The following SFXN5 variants were observed in gnomAD, a reference collection of about 807,000 sequenced individuals.
The protein encoded by SFXN5 is sideroflexin 5, also known as sideroflexin-5.
In SFXN5, 43 loss-of-function variants were observed where a neutral mutation model predicts 50.2. That is an observed-to-expected ratio of 0.86 (90% CI 0.67 to 1.11). SFXN5 has a LOEUF of 1.11. Ranked by LOEUF, SFXN5 falls within the 50% of genes least tolerant of loss-of-function variation. The pLI is 0.00. For missense variants in SFXN5, 463 were observed against 454.1 expected (o/e 1.02, Z -0.18); for synonymous variants, 203 against 185.8 (o/e 1.09, Z -0.75).
intron 1 of SFXN5, chr2:73,070,439 A>G (rs1029408241): frequency 6.6e-6 from 1 of 152,216 alleles, no homozygotes; most frequent in African/African-American, 2.4e-5. Flanking sequence ...AAAAAAAGAA[A>G]AAAAAAGCCA....
At position 73,020,272 on chromosome 2, in the gene SFXN5, CG is replaced by C. The variant is rs1433226573; in HGVS notation, c.332-9del. 6.2e-7 allele frequency: 1 copy of C among 1,613,804 alleles called. No homozygotes were observed. Among genetic ancestry groups the C allele is most frequent in the Non-Finnish European group, 8.5e-7 (1 of 1,179,906 alleles). ...TCCCAAAAGGAATATAACCTGTGAA[CG>C]AGAAGAAAAGAGTCAGGCCTTATAA... On this transcript the variant is annotated splice_polypyrimidine_tract_variant and intron_variant, in intron 5 of 13. Coordinates refer to ENST00000272433, the MANE Select transcript of SFXN5 (RefSeq NM_144579.3).
At chr2:73,037,208 G>T (rs1025523023) in intron 3 of SFXN5, among the ~76,000 whole-genome samples, 1 of 152,282 alleles carries the variant, frequency 6.6e-6, no homozygotes, top group Admixed American at 6.5e-5. Flanking sequence ...TCATATCTCA[G>T]GGGAGAAATC....
chr2:73,047,647 C>T (rs917757420), intron 2 of SFXN5, among the ~76,000 whole-genome samples: 6 of 151,916 alleles, frequency 3.9e-5, no homozygotes, highest in Non-Finnish European at 7.4e-5. Context: ...TCTTGCCTGC[C>T]GCCATGTAAG....
At chr2:73,012,236 G>C (rs181065746) in intron 6 of SFXN5, among the ~76,000 whole-genome samples, 1 of 152,114 alleles carries the variant, frequency 6.6e-6, no homozygotes, top group Non-Finnish European at 1.5e-5. Flanking sequence ...AGAGATTCGG[G>C]GTTGAGGAGC....
At chr2:73,020,580 T>C (rs1274014812) in intron 5 of SFXN5, among the ~76,000 whole-genome samples, 1 of 152,194 alleles carries the variant, frequency 6.6e-6, no homozygotes, top group Non-Finnish European at 1.5e-5. Context: ...GTGATCCTCC[T>C]ACGATTTCCT....
At chr2:72,987,720 A>C (rs185960410) in intron 10 of SFXN5, among the ~76,000 whole-genome samples, 1 of 152,090 alleles carries the variant, frequency 6.6e-6, no homozygotes, top group Non-Finnish European at 1.5e-5. Flanking sequence ...GCACCACCAT[A>C]CTCCAGCCTG....
chr2:72,949,316 C>T (rs1222435190), intron 13 of SFXN5, among the ~76,000 whole-genome samples: 3 of 151,998 alleles, frequency 2.0e-5, no homozygotes, highest in African/African-American at 7.3e-5. Context: ...GGACCATAAC[C>T]CAGCCTCTGT....
At chr2:73,058,446 C>T (rs1682413355) in intron 2 of SFXN5, 82 bp downstream of exon 2, 3 of 1,354,876 alleles carry the variant, frequency 2.2e-6, no homozygotes, top group Non-Finnish European at 2.1e-6. Flanking sequence ...CCCCCATCCT[C>T]ACCCTCCCTT....
At chr2:72,980,801 C>A (rs1395137097) in intron 10 of SFXN5, among the ~76,000 whole-genome samples, 4 of 152,128 alleles carry the variant, frequency 2.6e-5, no homozygotes, top group Non-Finnish European at 5.9e-5. Flanking sequence ...CGACAACATG[C>A]CCTCCTCTGT....
rs750246141 is a variant in SFXN5, at chr2:73,022,563, G to A, written c.290C>T (p.Pro97Leu). ...AQKIKQAILHPDTNEKIFMPF... is the reference protein window; with the variant it reads ...AQKIKQAILHLDTNEKIFMPF... ...CATGAAGATCTTCTCATTGGTGTCC[G>A]GATGTAGAATAGCCTGGCAAAAGCA... The change falls in exon 5 of 14, where the codon CCG becomes CTG. Residue 97 changes from proline (P) to leucine (L), a missense_variant. Physicochemically the swap from Pro to Leu is moderately conservative, Grantham distance 98 (BLOSUM62 -3). Transcript: ENST00000272433. 31 of 1,446,706 alleles carry A rather than the reference G, an allele frequency of 2.1e-5. No homozygotes were observed. The highest frequency in any genetic ancestry group is 3.2e-5 in the East Asian group (1 of 31,180). 89.6% of individuals were successfully genotyped at this position (1,446,706 alleles called of 1,614,324 possible). A position where few individuals can be genotyped will look rare whatever the true frequency, so the allele number is the denominator to read the frequency against.
At chr2:73,020,159 A>C (rs1182279417) in intron 6 of SFXN5, 80 bp downstream of exon 6, 3 of 1,338,028 alleles carry the variant, frequency 2.2e-6, no homozygotes, top group Non-Finnish European at 3.2e-6. Context: ...AATTCAGTCA[A>C]ATACCCGTGA....
chr2:73,047,457 G>A (rs1468678283), intron 2 of SFXN5, among the ~76,000 whole-genome samples: 1 of 149,594 alleles, frequency 6.7e-6, no homozygotes, highest in Non-Finnish European at 1.5e-5. Flanking sequence ...CAATGATATG[G>A]TTTGGCTGTG....
At chr2:72,986,912 A>G (rs967996758) in intron 10 of SFXN5, among the ~76,000 whole-genome samples, 5 of 152,278 alleles carry the variant, frequency 3.3e-5, no homozygotes, top group Admixed American at 6.5e-5. Flanking sequence ...AGAGGCTCAC[A>G]ATACCCAAAG....
At chr2:72,976,919 G>A (rs1283596858) in intron 10 of SFXN5, among the ~76,000 whole-genome samples, 1 of 152,162 alleles carries the variant, frequency 6.6e-6, no homozygotes, top group Non-Finnish European at 1.5e-5. Flanking sequence ...TTAAGTTATG[G>A]AGGGTCATGG....
At chr2:72,948,891 C>T (rs1423161456) in intron 13 of SFXN5, among the ~76,000 whole-genome samples, 1 of 151,800 alleles carries the variant, frequency 6.6e-6, no homozygotes, top group Non-Finnish European at 1.5e-5. Flanking sequence ...GCTGGGCACA[C>T]AGAGGGGGAC....
At chr2:73,062,106 G>A (rs556898939) in intron 1 of SFXN5, among the ~76,000 whole-genome samples, 1 of 152,182 alleles carries the variant, frequency 6.6e-6, no homozygotes, top group Non-Finnish European at 1.5e-5. Flanking sequence ...GACAGAGTGA[G>A]AGCCTGTCTC....
intron 12 of SFXN5, 93 bp downstream of exon 12, chr2:72,968,355 A>AC: frequency 8.7e-7 from 1 of 1,145,896 alleles, no homozygotes; most frequent in Non-Finnish European, 1.3e-6. Flanking sequence ...GCTTCCTGCC[A>AC]CCCCCTCATC....
intron 9 of SFXN5, 164 bp downstream of exon 9, chr2:72,998,785 G>A (rs113995890): frequency 1.5e-5 from 10 of 682,334 alleles, no homozygotes; most frequent in Non-Finnish European, 2.5e-5. Context: ...GTCTACTGGA[G>A]CCTCTTCTCG....
At chr2:73,040,535 G>A (rs1250103739) in intron 3 of SFXN5, among the ~76,000 whole-genome samples, 2 of 152,208 alleles carry the variant, frequency 1.3e-5, no homozygotes, top group Admixed American at 6.5e-5. Flanking sequence ...CATCATGGCT[G>A]ATTTCCCACT....
Sources: gnomAD v4.1 joint callset for allele counts (sites outside exome capture counted in the v4.1 genomes callset) on GRCh38, gnomAD v4.1.1 for gene constraint, MANE v1.5 for transcripts, NCBI Gene and HGNC (gene_info 2026-07-23, HGNC 2026-07-21) for gene names.